Variants in PRPF18 observed in about 807,000 individuals in gnomAD.
PRPF18 encodes pre-mRNA processing factor 18.
PRPF18 carries 38 observed loss-of-function variants against 46.5 expected under a neutral mutation model. The ratio of observed to expected loss-of-function variants is 0.82; its 90% CI spans 0.63 to 1.07. The LOEUF is 1.07. Among genes scored for constraint, PRPF18 ranks in the 50% least tolerant of loss-of-function variants. PRPF18 has a pLI of 0.00. For missense variants in PRPF18, 263 were observed against 410.0 expected (o/e 0.64, Z 3.10); for synonymous variants, 152 against 146.7 (o/e 1.04, Z -0.26).
intron 9 of PRPF18, among the ~76,000 whole-genome samples, chr10:13,624,981 G>C (rs752485576): frequency 6.6e-6 from 1 of 152,122 alleles, no homozygotes; most frequent in Non-Finnish European, 1.5e-5. Context: ...CAGAAAAAAA[G>C]ACCTTCATAG....
Position 13,622,869 on chromosome 10 carries a change from C to T in PRPF18, c.948+6316C>T, listed in dbSNP as rs576198172. 9.2e-5 allele frequency among the ~76,000 whole-genome samples: 14 copies of T among 152,106 alleles called. No individual in the cohort carries two copies. In the South Asian group the frequency reaches 1.5e-3, roughly 16 times the overall value. ...TTTAAAAGTCTAGAATGGGTTGTTT[C>T]GATGAATTCAGTTTTAACAATATAT... is the stretch of plus-strand genomic sequence containing the variant. On this transcript the variant is annotated intron_variant, in intron 9 of 9. Coordinates refer to ENST00000378572, the MANE Select transcript of PRPF18 (RefSeq NM_003675.4).
chr10:13,646,364 G>A, the PRPF18 span: 2 of 152,498 alleles, frequency 1.3e-5, no homozygotes, highest in African/African-American at 2.4e-5. Context: ...ACTGATTGTG[G>A]TCCTCCGATG....
chr10:13,588,757 G>A (rs1337258815), intron 1 of PRPF18, among the ~76,000 whole-genome samples: 1 of 151,882 alleles, frequency 6.6e-6, no homozygotes, highest in East Asian at 1.9e-4. Flanking sequence ...AGAATTACAT[G>A]ATTTAGGAAC....
chr10:13,622,060 C>T (rs2080428065), intron 9 of PRPF18, among the ~76,000 whole-genome samples: 1 of 152,190 alleles, frequency 6.6e-6, no homozygotes, highest in Non-Finnish European at 1.5e-5. Context: ...AGTATCATAG[C>T]TGTTGGTAAA....
the PRPF18 span, chr10:13,646,062 G>C: frequency 6.6e-6 from 1 of 152,388 alleles, no homozygotes; most frequent in African/African-American, 2.4e-5. Context: ...GACTCCCACA[G>C]GTCTCTCTTT....
At chr10:13,633,086 G>T (rs1422846357), downstream of PRPF18, among the ~76,000 whole-genome samples, 1 of 152,210 alleles carries the variant, frequency 6.6e-6, no homozygotes, top group African/African-American at 2.4e-5. Flanking sequence ...CAATCTGGAG[G>T]TTGTGGCTGT....
At chr10:13,625,500 A>C (rs2080489355) in intron 9 of PRPF18, among the ~76,000 whole-genome samples, 1 of 152,242 alleles carries the variant, frequency 6.6e-6, no homozygotes, top group East Asian at 1.9e-4. Flanking sequence ...AAAGGTAAGA[A>C]AATAAGAGTC....
chr10:13,644,173 A>G, the PRPF18 span: 8 of 152,378 alleles, frequency 5.3e-5, no homozygotes, highest in African/African-American at 1.9e-4. Flanking sequence ...GGCTCACAAC[A>G]TAGTCTGATG....
chr10:13,614,989 C>G (rs574504417), intron 8 of PRPF18, among the ~76,000 whole-genome samples: 1 of 152,330 alleles, frequency 6.6e-6, no homozygotes, highest in East Asian at 1.9e-4. Flanking sequence ...GCTGGCATTC[C>G]TGAGTGACTG....
At chr10:13,611,561 T>C (rs755405294) in intron 5 of PRPF18, 54 bp from the exon 6 acceptor site, 22 of 1,396,774 alleles carry the variant, frequency 1.6e-5, no homozygotes, top group Non-Finnish European at 2.2e-5. Context: ...GTAATATATA[T>C]GTTTAGTTGT....
the PRPF18 span, chr10:13,654,130 T>C: frequency 0.025 from 13,054 of 530,618 alleles, 775 homozygotes; most frequent in African/African-American, 0.15. Context: ...TGTCTGGAAA[T>C]CTTACCAAAG....
intron 2 of PRPF18, among the ~76,000 whole-genome samples, chr10:13,598,953 G>A (rs1473793651): frequency 6.6e-6 from 1 of 152,158 alleles, no homozygotes; most frequent in African/African-American, 2.4e-5. Flanking sequence ...AAGCCCTGAA[G>A]GAAAGTAATT....
the PRPF18 span, chr10:13,652,757 T>C: frequency 6.6e-6 from 1 of 152,288 alleles, no homozygotes; most frequent in Non-Finnish European, 1.5e-5. Flanking sequence ...TGTCAAAACT[T>C]GAGTGTGGGT....
intron 9 of PRPF18, among the ~76,000 whole-genome samples, chr10:13,618,023 C>G (rs977742687): frequency 6.6e-6 from 1 of 152,106 alleles, no homozygotes; most frequent in African/African-American, 2.4e-5. Flanking sequence ...GGACTCGTGT[C>G]TCTTAGGGTA....
At chr10:13,633,262 G>C (rs2080606360), downstream of PRPF18, among the ~76,000 whole-genome samples, 1 of 152,200 alleles carries the variant, frequency 6.6e-6, no homozygotes, top group South Asian at 2.1e-4. Flanking sequence ...TTAGTGATCT[G>C]CTGTGGGCCC....
At chr10:13,624,065 A>G (rs941459133) in intron 9 of PRPF18, among the ~76,000 whole-genome samples, 1 of 152,178 alleles carries the variant, frequency 6.6e-6, no homozygotes, top group Non-Finnish European at 1.5e-5. Context: ...GCTCACTGCA[A>G]CTTCCACCCC....
At chr10:13,597,329 A>G (rs572554877) in intron 1 of PRPF18, 129 bp from the exon 2 acceptor site, 35 of 655,284 alleles carry the variant, frequency 5.3e-5, no homozygotes, top group Non-Finnish European at 7.9e-5. Flanking sequence ...GAACCAAAAA[A>G]TATTTATTTT....
At chr10:13,639,700 T>G in the PRPF18 span, 3 of 152,214 alleles carry the variant, frequency 2.0e-5, no homozygotes, top group African/African-American at 7.2e-5. Flanking sequence ...AGGTCCAATT[T>G]CTGGTCAGTA....
At chr10:13,618,084 C>G (rs1282826696) in intron 9 of PRPF18, among the ~76,000 whole-genome samples, 1 of 152,026 alleles carries the variant, frequency 6.6e-6, no homozygotes, top group Non-Finnish European at 1.5e-5. Context: ...GCTGTCCTGT[C>G]GAACCTTTTA....
Sources: allele counts gnomAD v4.1 joint callset (sites outside exome capture counted in the v4.1 genomes callset), GRCh38; gene constraint gnomAD v4.1.1; transcripts MANE v1.5; gene names NCBI Gene and HGNC (gene_info 2026-07-23, HGNC 2026-07-21).